Variants in AKT3 observed in about 807,000 individuals in gnomAD.
AKT3 encodes AKT serine/threonine kinase 3.
A neutral mutation model predicts 65.3 loss-of-function variants in AKT3; 15 were observed. That is an observed-to-expected ratio of 0.23 (90% CI 0.15 to 0.35). The LOEUF is 0.35. AKT3 is among the 10% of genes least tolerant of loss of function. The pLI is 1.00. For missense variants in AKT3, 243 were observed against 576.5 expected (o/e 0.42, Z 5.92); for synonymous variants, 206 against 183.8 (o/e 1.12, Z -0.98).
intron 2 of AKT3, among the ~76,000 whole-genome samples, chr1:243,836,124 C>T (rs1304138708): frequency 1.3e-5 from 2 of 151,792 alleles, no homozygotes; most frequent in African/African-American, 4.8e-5. Flanking sequence ...AAAGACACGA[C>T]CCAAACATAT....
At chr1:243,655,077 C>A (rs928008128) in intron 4 of AKT3, among the ~76,000 whole-genome samples, 8 of 152,092 alleles carry the variant, frequency 5.3e-5, no homozygotes, top group African/African-American at 1.9e-4. Flanking sequence ...GACATGCTCA[C>A]CGCATTGTTT....
Position 243,602,994 on chromosome 1 carries a change from T to G in AKT3, c.696+10677A>C, listed in dbSNP as rs193144448. On this transcript the variant is annotated intron_variant, in intron 8 of 13. Transcript: ENST00000673466. ...TGGAAACAAGTCCTAAGTAGAGACT[T>G]CCTAAACCAAAGAAAACAAAAACAC... Among the ~76,000 whole-genome samples, 32 of 152,276 alleles carry G rather than the reference T, an allele frequency of 2.1e-4. No homozygotes were observed. In the East Asian group the frequency reaches 5.8e-3, roughly 28 times the overall value.
chr1:243,655,636 TTCAC>T (rs1335109985), intron 4 of AKT3, among the ~76,000 whole-genome samples: 1 of 152,174 alleles, frequency 6.6e-6, no homozygotes, highest in East Asian at 1.9e-4. Context: ...TTGAATCACC[TTCAC>T]TCAATTTCAG....
rs373834821 is a variant in AKT3 at position 243,800,675 on chromosome 1, G to A, written c.46+42450C>T. On this transcript the variant is annotated intron_variant, in intron 2 of 13. Transcript: ENST00000673466. Reference sequence around the variant, plus strand: ...AGAGGTTGCAGTGAGCCAAGATCGCGCCATTGCACTCCAGCCCAGCGACAG... The same window carrying A: ...AGAGGTTGCAGTGAGCCAAGATCGCACCATTGCACTCCAGCCCAGCGACAG... Among the ~76,000 whole-genome samples the A allele has an allele frequency of 4.6e-5, 7 of 151,720 alleles. No individual in the cohort carries two copies. In the East Asian group the frequency reaches 5.8e-4, roughly 13 times the overall value.
chr1:243,696,397 G>T (rs184198532), intron 2 of AKT3, among the ~76,000 whole-genome samples: 2 of 151,888 alleles, frequency 1.3e-5, no homozygotes, highest in East Asian at 3.9e-4. Flanking sequence ...TACTTTATTA[G>T]AACTTAACAT....
At chr1:243,808,845 C>G (rs1692924887) in intron 2 of AKT3, among the ~76,000 whole-genome samples, 1 of 152,236 alleles carries the variant, frequency 6.6e-6, no homozygotes, top group South Asian at 2.1e-4. Flanking sequence ...GGCAGAAACT[C>G]TGTAAGCCAG....
chr1:243,832,714 G>A (rs906789308), intron 2 of AKT3, among the ~76,000 whole-genome samples: 2 of 152,142 alleles, frequency 1.3e-5, no homozygotes, highest in African/African-American at 4.8e-5. Context: ...TTACTAGTTT[G>A]AAGAGACAGA....
At chr1:243,634,831 T>C (rs936482706) in intron 6 of AKT3, among the ~76,000 whole-genome samples, 3 of 151,880 alleles carry the variant, frequency 2.0e-5, no homozygotes, top group Non-Finnish European at 2.9e-5. Context: ...CAGAAAGCAA[T>C]GACCATTTTA....
chr1:243,515,641 T>G (rs1157107164), intron 12 of AKT3, among the ~76,000 whole-genome samples: 1 of 152,226 alleles, frequency 6.6e-6, no homozygotes, highest in Non-Finnish European at 1.5e-5. Flanking sequence ...AAAATTAAAT[T>G]AAACATTTTA....
rs1012885448 is a variant in AKT3, at chr1:243,796,278, T to C, written c.46+46847A>G. Among the ~76,000 whole-genome samples, 5 of 152,336 alleles carry C rather than the reference T, an allele frequency of 3.3e-5. No individual in the cohort carries two copies. The South Asian group carries it at 1.0e-3, about 32-fold the overall frequency. The stretch of plus-strand genomic sequence containing the variant: ...TACAGGTGTAGCCAATCTGTCACTT[T>C]TGGTCAGAAGCCCTGAGAGAGCTCT... On this transcript the variant is annotated intron_variant, in intron 2 of 13. Coordinates refer to ENST00000673466, the MANE Select transcript of AKT3 (RefSeq NM_005465.7).
chr1:243,758,010 G>A (rs1187777984), intron 2 of AKT3, among the ~76,000 whole-genome samples: 12 of 152,112 alleles, frequency 7.9e-5, no homozygotes, highest in Admixed American at 6.5e-4. Flanking sequence ...TGATCCACCC[G>A]CCTCGGCCTC....
At chr1:243,494,495 C>T (rs1574426579) in intron 13 of AKT3, among the ~76,000 whole-genome samples, 1 of 152,338 alleles carries the variant, frequency 6.6e-6, no homozygotes, top group East Asian at 1.9e-4. Flanking sequence ...CTAACATAAG[C>T]ATCTCGCGAC....
chr1:243,565,662 A>G (rs974081114), intron 9 of AKT3, among the ~76,000 whole-genome samples: 4 of 152,176 alleles, frequency 2.6e-5, no homozygotes, highest in Non-Finnish European at 2.9e-5. Context: ...AGAAACATCA[A>G]GAGTCTTCAA....
intron 4 of AKT3, among the ~76,000 whole-genome samples, chr1:243,647,827 A>T (rs887677762): frequency 6.6e-6 from 1 of 152,250 alleles, no homozygotes; most frequent in Non-Finnish European, 1.5e-5. Context: ...TTGTTTCACA[A>T]GTTAGGAATA....
At chr1:243,640,667 C>T (rs1680308430) in intron 5 of AKT3, among the ~76,000 whole-genome samples, 1 of 152,110 alleles carries the variant, frequency 6.6e-6, no homozygotes, top group Non-Finnish European at 1.5e-5. Flanking sequence ...AGCCAACAGT[C>T]AGCACCAAGG....
At chr1:243,754,770 A>G (rs905114295) in intron 2 of AKT3, among the ~76,000 whole-genome samples, 1 of 152,004 alleles carries the variant, frequency 6.6e-6, no homozygotes, top group African/African-American at 2.4e-5. Context: ...CCCACACACC[A>G]CCCAGGTTCA....
chr1:243,500,642 G>A lies in AKT3; in HGVS notation c.*4607C>T. ...CTAAAGGCAAGGCTGCAGTTAGTTA[G>A]GACAGGTCCCTGACCTTCGGCTGCC... On this transcript the variant is annotated 3_prime_UTR_variant, in exon 14 of 14. Transcript: ENST00000673466. The A allele has an allele frequency of 4.3e-6, 1 of 230,240 alleles. No individual in the cohort carries two copies. Among genetic ancestry groups the A allele is most frequent in the Admixed American group, 5.7e-5 (1 of 17,694 alleles). The allele number at this position is 230,240 out of a possible 1,614,324, so 14.3% of individuals were successfully genotyped here. A position where few individuals can be genotyped will look rare whatever the true frequency, so the allele number is the denominator to read the frequency against.
chr1:243,709,384 T>C (rs953088316), intron 2 of AKT3, among the ~76,000 whole-genome samples: 65 of 151,820 alleles, frequency 4.3e-4, no homozygotes, highest in African/African-American at 1.5e-3. Context: ...CTCACGTGGA[T>C]GACACTGATT....
At position 243,666,169 on chromosome 1, in the gene AKT3, T is replaced by TA. The variant is rs556030016; in HGVS notation, c.173-1287dup. Among the ~76,000 whole-genome samples, 81 of 152,144 alleles carry TA rather than the reference T, an allele frequency of 5.3e-4. 1 individual carries two copies. Among genetic ancestry groups the TA allele is most frequent in the Admixed American group, 9.8e-4 (15 of 15,276 alleles). ...CAGGCGTGCACCACCATGCCCAGCT[T>TA]ATTTTTCTAATTTTAGTAGAGATGG... On this transcript the variant is annotated intron_variant, in intron 3 of 13. Transcript: ENST00000673466.
Sources: gnomAD v4.1 joint callset for allele counts (sites outside exome capture counted in the v4.1 genomes callset) on GRCh38, gnomAD v4.1.1 for gene constraint, MANE v1.5 for transcripts, NCBI Gene and HGNC (gene_info 2026-07-23, HGNC 2026-07-21) for gene names.